The following GPM6A variants were observed in gnomAD, a reference collection of about 807,000 sequenced individuals.
GPM6A encodes the protein glycoprotein M6A, also known as neuronal membrane glycoprotein M6-a.
Under a neutral mutation model 32.1 loss-of-function variants are expected in GPM6A, and 7 were observed. The observed-to-expected ratio is 0.22, with a 90% CI of 0.12 to 0.41. The LOEUF (loss-of-function observed/expected upper bound fraction) is 0.41, where lower values mean the gene tolerates loss of function less well. Ranked by LOEUF, GPM6A falls within the 10% of genes least tolerant of loss-of-function variation. The pLI, the probability that GPM6A is intolerant of heterozygous loss-of-function variation, is 1.00. For synonymous variants in GPM6A, 130 were observed against 123.4 expected, an observed-to-expected ratio of 1.05 and a Z score of -0.35; for missense variants, 235 against 347.2, an observed-to-expected ratio of 0.68 and a Z score of 2.57.
intron 1 of GPM6A, among the ~76,000 whole-genome samples, chr4:175,853,700 G>A (rs1344829090): frequency 6.6e-6 from 1 of 152,016 alleles, no homozygotes; most frequent in Non-Finnish European, 1.5e-5. Context: ...ACAAATAAGA[G>A]TTGTGGCAAC....
At chr4:175,966,247 C>T (rs1172984141) in intron 1 of GPM6A, among the ~76,000 whole-genome samples, 4 of 151,536 alleles carry the variant, frequency 2.6e-5, no homozygotes, top group East Asian at 1.9e-4. Flanking sequence ...ACTAAAAATA[C>T]AAAAATTAGC....
intron 1 of GPM6A, among the ~76,000 whole-genome samples, chr4:175,950,115 G>A (rs1181057575): frequency 6.6e-6 from 1 of 152,034 alleles, no homozygotes; most frequent in Admixed American, 6.6e-5. Context: ...TGAATATAAA[G>A]GGAAACAAAA....
At chr4:175,835,620 A>AGT (rs959826587) in intron 1 of GPM6A, among the ~76,000 whole-genome samples, 16 of 117,518 alleles carry the variant, frequency 1.4e-4, no homozygotes, top group South Asian at 9.0e-4. Flanking sequence ...TGTGTGTGTG[A>AGT]GTGTGTGTAT....
intron 1 of GPM6A, among the ~76,000 whole-genome samples, chr4:175,876,477 T>G (rs1022368516): frequency 1.3e-5 from 2 of 152,202 alleles, no homozygotes; most frequent in African/African-American, 4.8e-5. Flanking sequence ...AATATGCCAC[T>G]CTATCTATTT....
At chr4:175,725,609 A>G (rs1746365100) in intron 1 of GPM6A, among the ~76,000 whole-genome samples, 1 of 152,132 alleles carries the variant, frequency 6.6e-6, no homozygotes, top group Non-Finnish European at 1.5e-5. Context: ...CTTATGCCAA[A>G]TGAGGAGTGT....
intron 1 of GPM6A, among the ~76,000 whole-genome samples, chr4:175,859,655 C>A (rs1304201135): frequency 2.0e-5 from 3 of 152,078 alleles, no homozygotes; most frequent in African/African-American, 7.2e-5. Context: ...GATTCTCTCC[C>A]CACTCCCCAC....
At chr4:175,878,653 C>T (rs1737167027) in intron 1 of GPM6A, among the ~76,000 whole-genome samples, 1 of 152,058 alleles carries the variant, frequency 6.6e-6, no homozygotes, top group Non-Finnish European at 1.5e-5. Flanking sequence ...TCATAGGCCT[C>T]TGGGCCTATG....
At chr4:175,897,578 C>G (rs1410966953) in intron 1 of GPM6A, among the ~76,000 whole-genome samples, 1 of 152,028 alleles carries the variant, frequency 6.6e-6, no homozygotes, top group Non-Finnish European at 1.5e-5. Context: ...TTTCTACTAC[C>G]CCTGGATTCC....
At chr4:175,645,866 T>A (rs1044976645) in intron 4 of GPM6A, among the ~76,000 whole-genome samples, 3 of 152,196 alleles carry the variant, frequency 2.0e-5, no homozygotes, top group Non-Finnish European at 1.5e-5. Flanking sequence ...AAAAATAATT[T>A]ATCATTTACG....
In GPM6A at chr4:175,799,513, T is replaced by G. The variant is rs77586623; in HGVS notation, c.37+12678A>C. On this transcript the variant is annotated intron_variant, in intron 1 of 6. Coordinates refer to ENST00000393658, the MANE Select transcript of GPM6A (RefSeq NM_201591.3). ...TAACTTATAAGAATAGAGATTGATA[T>G]TAGTGCAAGAAAGTGAAAGCATATG... Among the ~76,000 whole-genome samples the G allele has an allele frequency of 9.9e-3, 1,510 of 152,136 alleles. 14 individuals carry two copies. The highest frequency in any genetic ancestry group is 0.016 in the Non-Finnish European group (1,109 of 67,996).
At chr4:175,839,930 T>G (rs1480430203) in intron 1 of GPM6A, among the ~76,000 whole-genome samples, 2 of 152,228 alleles carry the variant, frequency 1.3e-5, no homozygotes, top group Non-Finnish European at 2.9e-5. Context: ...ATTAGGAATT[T>G]AAAATTGAAA....
intron 1 of GPM6A, among the ~76,000 whole-genome samples, chr4:175,896,820 T>A (rs1470012649): frequency 6.6e-6 from 1 of 152,180 alleles, no homozygotes; most frequent in East Asian, 1.9e-4. Context: ...TCTGTGTTAG[T>A]CAATGAAAAG....
intron 1 of GPM6A, among the ~76,000 whole-genome samples, chr4:175,730,463 G>C (rs1387674387): frequency 2.2e-5 from 3 of 139,324 alleles, no homozygotes; most frequent in African/African-American, 8.1e-5. Flanking sequence ...GGATGGTCTC[G>C]ATCTCTTCTT....
Position 175,633,153 on chromosome 4 carries a change from T to C in GPM6A, c.*1752A>G, listed in dbSNP as rs1174607277. On this transcript the variant is annotated 3_prime_UTR_variant, in exon 7 of 7. Transcript: ENST00000393658. ...ATCATTACATAAGTTGAAAAGACAGTTTTAGAAATTATCACAAACTGTTAA... is the reference window on the plus strand; with the variant it reads ...ATCATTACATAAGTTGAAAAGACAGCTTTAGAAATTATCACAAACTGTTAA... The C allele has an allele frequency of 6.6e-6, 1 of 152,436 alleles. No individual in the cohort carries two copies. Among genetic ancestry groups the C allele is most frequent in the Non-Finnish European group, 1.5e-5 (1 of 67,902 alleles). 9.4% of individuals were successfully genotyped at this position (152,436 alleles called of 1,614,324 possible). A position where few individuals can be genotyped will look rare whatever the true frequency, so the allele number is the denominator to read the frequency against.
intron 1 of GPM6A, among the ~76,000 whole-genome samples, chr4:175,838,579 T>G (rs1007652945): frequency 3.3e-5 from 5 of 151,518 alleles, no homozygotes; most frequent in African/African-American, 1.2e-4. Flanking sequence ...ATTTAATCTG[T>G]TACCCCTTCC....
chr4:175,762,989 T>C (rs1285881889), intron 1 of GPM6A, among the ~76,000 whole-genome samples: 3 of 152,126 alleles, frequency 2.0e-5, no homozygotes, highest in Non-Finnish European at 4.4e-5. Context: ...TAAAATTAGA[T>C]TGTGGTAATG....
Position 175,963,119 on chromosome 4 carries a change from A to T in GPM6A, c.-23+39190T>A, listed in dbSNP as rs188070146. Among the ~76,000 whole-genome samples, 741 of 152,266 alleles carry T rather than the reference A, an allele frequency of 4.9e-3. 4 individuals are homozygous for T. Among genetic ancestry groups the T allele is most frequent in the Non-Finnish European group, 8.5e-3 (580 of 68,010 alleles). Reference sequence around the variant, plus strand: ...AGTCAATGGAAACATCAAAAAAGAAATGTAAAAAGAAGAAAATGAATGAAA... The same window carrying T: ...AGTCAATGGAAACATCAAAAAAGAATTGTAAAAAGAAGAAAATGAATGAAA... On this transcript the variant is annotated intron_variant, in intron 1 of 7. Coordinates refer to the GPM6A transcript ENST00000280187.
chr4:175,864,730 C>T (rs1007675692), intron 1 of GPM6A, among the ~76,000 whole-genome samples: 6 of 152,106 alleles, frequency 3.9e-5, no homozygotes, highest in Non-Finnish European at 8.8e-5. Context: ...TTCAAGATCA[C>T]TGAGATTTTC....
At chr4:175,914,163 G>T (rs189174243) in intron 1 of GPM6A, among the ~76,000 whole-genome samples, 202 of 151,808 alleles carry the variant, frequency 1.3e-3, no homozygotes, top group African/African-American at 4.3e-3. Flanking sequence ...AAAATGTGTG[G>T]GGGGGGTAGG....
Sources: gnomAD v4.1 joint callset for allele counts (sites outside exome capture counted in the v4.1 genomes callset) on GRCh38, gnomAD v4.1.1 for gene constraint, MANE v1.5 for transcripts, NCBI Gene and HGNC (gene_info 2026-07-23, HGNC 2026-07-21) for gene names.